Variants in NEK7 observed in about 807,000 individuals in gnomAD.
The protein encoded by NEK7 is NIMA related kinase 7, also known as serine/threonine-protein kinase Nek7.
NEK7 carries 18 observed loss-of-function variants against 44.6 expected under a neutral mutation model. That is an observed-to-expected ratio of 0.40 (90% CI 0.28 to 0.60). The LOEUF is 0.60. Among genes scored for constraint, NEK7 ranks in the 20% least tolerant of loss-of-function variants. The probability of loss-of-function intolerance (pLI) is 0.38; values close to 1 mark genes in which losing one functional copy is unlikely to be tolerated. For missense variants in NEK7, 256 were observed against 366.5 expected (o/e 0.70, Z 2.46); for synonymous variants, 130 against 121.1 (o/e 1.07, Z -0.48).
chr1:198,250,146 C>T (rs1250954879), intron 2 of NEK7, among the ~76,000 whole-genome samples: 13 of 150,342 alleles, frequency 8.6e-5, no homozygotes, highest in Non-Finnish European at 1.5e-5. Context: ...AATGCTTTCC[C>T]CATTGCTTGT....
chr1:198,184,140 A>G (rs1460365001), intron 1 of NEK7, among the ~76,000 whole-genome samples: 2 of 152,234 alleles, frequency 1.3e-5, no homozygotes, highest in Non-Finnish European at 2.9e-5. Flanking sequence ...ACTGCTGTAT[A>G]GTGTGAAAAT....
chr1:198,177,381 G>T (rs528102809), intron 1 of NEK7, among the ~76,000 whole-genome samples: 8 of 152,174 alleles, frequency 5.3e-5, no homozygotes, highest in Non-Finnish European at 1.2e-4. Context: ...CAAAGCAGAG[G>T]ATTGTGGCTA....
chr1:198,313,807 C>T (rs532819655), intron 9 of NEK7, among the ~76,000 whole-genome samples: 63 of 151,538 alleles, frequency 4.2e-4, no homozygotes, highest in African/African-American at 1.3e-3. Flanking sequence ...CCTAGAGATC[C>T]GCTGTTAGTC....
chr1:198,228,038 T>G (rs1666279781), intron 1 of NEK7, among the ~76,000 whole-genome samples: 1 of 152,216 alleles, frequency 6.6e-6, no homozygotes, highest in African/African-American at 2.4e-5. Flanking sequence ...CTTGAATTAA[T>G]TTTTGTATAA....
rs543727140 is a variant in NEK7, at chr1:198,280,604, G to T, written c.589+1543G>T. On this transcript the variant is annotated intron_variant, in intron 7 of 9. Transcript: ENST00000367385. ...CATATATGCATCTCCAAATTGAGGT[G>T]ATATGCTAGTAGAAATTATAGAGTA... Among the ~76,000 whole-genome samples, 990 of 151,894 alleles carry T rather than the reference G, an allele frequency of 6.5e-3. 15 individuals carry two copies. The highest frequency in any genetic ancestry group is 0.023 in the African/African-American group (964 of 41,468).
At position 198,216,119 on chromosome 1, in the gene NEK7, A is replaced by G. The variant is rs547464197; in HGVS notation, c.-28-16434A>G. Among the ~76,000 whole-genome samples the G allele has an allele frequency of 3.8e-4, 58 of 152,160 alleles. 1 individual carries two copies. Among genetic ancestry groups the G allele is most frequent in the Non-Finnish European group, 6.3e-4 (43 of 67,986 alleles). On this transcript the variant is annotated intron_variant, in intron 1 of 9. Transcript: ENST00000367385. ...GAACATTCTACCCAAAAACTGCAGA[A>G]TATACATTTTTCTCATCAGCACAAG...
intron 1 of NEK7, among the ~76,000 whole-genome samples, chr1:198,185,257 T>G (rs1664886286): frequency 6.7e-6 from 1 of 149,772 alleles, no homozygotes. Context: ...GTGTTTGAAC[T>G]TTGTTCTTCA....
chr1:198,223,145 AT>A (rs34496206), intron 1 of NEK7, among the ~76,000 whole-genome samples: 77,879 of 151,966 alleles, frequency 0.51, 23,251 homozygotes, highest in East Asian at 0.9. Flanking sequence ...AGGAGTTTGA[AT>A]TTTTATTCTA....
intron 7 of NEK7, among the ~76,000 whole-genome samples, chr1:198,292,377 T>G (rs1361081099): frequency 6.6e-6 from 1 of 151,980 alleles, no homozygotes; most frequent in Non-Finnish European, 1.5e-5. Context: ...CCCTTTCACA[T>G]TTGTTATTAT....
intron 5 of NEK7, among the ~76,000 whole-genome samples, chr1:198,270,385 G>A (rs778150333): frequency 1.1e-4 from 16 of 151,910 alleles, no homozygotes; most frequent in Non-Finnish European, 2.1e-4. Flanking sequence ...GTAACCTAAT[G>A]TTTTGAGAAG....
intron 9 of NEK7, among the ~76,000 whole-genome samples, chr1:198,318,718 C>T (rs762483984): frequency 6.6e-6 from 1 of 151,966 alleles, no homozygotes; most frequent in African/African-American, 2.4e-5. Flanking sequence ...CCCGATGGAT[C>T]GAGGACCATA....
chr1:198,309,976 G>T (rs537878909), intron 9 of NEK7, among the ~76,000 whole-genome samples: 1 of 151,836 alleles, frequency 6.6e-6, no homozygotes, highest in Non-Finnish European at 1.5e-5. Context: ...GGATGGCTGG[G>T]TCAAATGGTA....
Position 198,280,810 on chromosome 1 carries a change from TATGCTC to T in NEK7, c.589+1754_589+1759del, listed in dbSNP as rs1330000477. On this transcript the variant is annotated intron_variant, in intron 7 of 9. Transcript: ENST00000367385. The stretch of plus-strand genomic sequence containing the variant: ...TATATATACACATTATAAATAAACA[TATGCTC>T]ATGCCCATAATTACTAAGCATTCTA... Among the ~76,000 whole-genome samples the T allele has an allele frequency of 2.0e-5, 3 of 149,800 alleles. No homozygotes were observed. The East Asian group carries it at 5.8e-4, about 29-fold the overall frequency.
intron 7 of NEK7, among the ~76,000 whole-genome samples, chr1:198,289,519 C>T (rs1383477515): frequency 6.6e-6 from 1 of 152,034 alleles, no homozygotes; most frequent in Non-Finnish European, 1.5e-5. Flanking sequence ...TTAAATGGTC[C>T]TAACTAGTTA....
chr1:198,202,522 G>GA (rs1665462671), intron 1 of NEK7, among the ~76,000 whole-genome samples: 2 of 152,168 alleles, frequency 1.3e-5, no homozygotes, highest in African/African-American at 4.8e-5. Flanking sequence ...AGTGTTACCA[G>GA]AAATCACAGT....
intron 3 of NEK7, among the ~76,000 whole-genome samples, chr1:198,260,000 A>G (rs1653403072): frequency 6.6e-6 from 1 of 152,146 alleles, no homozygotes; most frequent in Non-Finnish European, 1.5e-5. Flanking sequence ...TGCATCTGAC[A>G]CTGTGCATCT....
At chr1:198,269,001 C>T (rs1653749303) in intron 5 of NEK7, among the ~76,000 whole-genome samples, 1 of 152,124 alleles carries the variant, frequency 6.6e-6, no homozygotes, top group South Asian at 2.1e-4. Flanking sequence ...TCGTAGAGTA[C>T]TTTATGGTAT....
At chr1:198,295,391 A>C (rs1189052713) in intron 8 of NEK7, among the ~76,000 whole-genome samples, 3 of 152,150 alleles carry the variant, frequency 2.0e-5, no homozygotes, top group Non-Finnish European at 4.4e-5. Context: ...GGAGTAAGTC[A>C]ATCATTCTAG....
chr1:198,285,578 C>A (rs1654342136), intron 7 of NEK7, among the ~76,000 whole-genome samples: 1 of 151,950 alleles, frequency 6.6e-6, no homozygotes, highest in African/African-American at 2.4e-5. Flanking sequence ...GGGAAGAGAG[C>A]ATGGAGAATC....
Sources: gnomAD v4.1 joint callset for allele counts (sites outside exome capture counted in the v4.1 genomes callset) on GRCh38, gnomAD v4.1.1 for gene constraint, MANE v1.5 for transcripts, NCBI Gene and HGNC (gene_info 2026-07-23, HGNC 2026-07-21) for gene names.